The following NUGGC variants were observed in gnomAD, a reference collection of about 807,000 sequenced individuals.
The protein encoded by NUGGC is nuclear GTPase, germinal center associated.
Under a neutral mutation model 92.6 loss-of-function variants are expected in NUGGC, and 58 were observed. That is an observed-to-expected ratio of 0.63 (90% confidence interval 0.51 to 0.78). NUGGC has a LOEUF of 0.78. NUGGC is among the 30% of genes least tolerant of loss of function. The pLI is 0.00. For synonymous variants in NUGGC, 376 were observed against 366.4 expected (o/e 1.03, Z -0.30); for missense variants, 925 against 964.6 (o/e 0.96, Z 0.54).
chr8:28,082,228 G>A (rs2130302775), intron 1 of NUGGC, among the ~76,000 whole-genome samples: 1 of 152,308 alleles, frequency 6.6e-6, no homozygotes, highest in East Asian at 1.9e-4. Context: ...AATGTGTTCA[G>A]AATTAGAAAT....
chr8:28,065,079 G>A (rs1394607830), intron 6 of NUGGC, among the ~76,000 whole-genome samples: 1 of 150,050 alleles, frequency 6.7e-6, no homozygotes. Flanking sequence ...CAGAAAGCTA[G>A]CAATGACTAT....
intron 7 of NUGGC, among the ~76,000 whole-genome samples, chr8:28,063,547 A>G (rs1810360884): frequency 6.6e-6 from 1 of 152,154 alleles, no homozygotes; most frequent in Non-Finnish European, 1.5e-5. Flanking sequence ...CAGGAGGTGG[A>G]TAATATAGAG....
At chr8:28,082,606 A>G (rs569331618) in intron 1 of NUGGC, among the ~76,000 whole-genome samples, 1 of 152,304 alleles carries the variant, frequency 6.6e-6, no homozygotes, top group Non-Finnish European at 1.5e-5. Context: ...CATAGCCTTA[A>G]AATTCACTTA....
chr8:28,047,643 A>C (rs1743389836), intron 10 of NUGGC, 31 bp from the exon 11 acceptor site: 1 of 1,378,810 alleles, frequency 7.3e-7, no homozygotes, highest in Non-Finnish European at 1.0e-6. Context: ...AGAAAACAGA[A>C]TAACTCAAAC....
In NUGGC at chr8:28,058,225, A is replaced by C. The variant is rs1375634604; in HGVS notation, c.1116+33T>G. Reference sequence around the variant, plus strand: ...AAAAAATAAATAGATAATAATTTAAAAATAAAAATAAAAAAAACTAGTTCA... The same window carrying C: ...AAAAAATAAATAGATAATAATTTAACAATAAAAATAAAAAAAACTAGTTCA... On this transcript the variant is annotated intron_variant, in intron 9 of 18. Coordinates refer to ENST00000413272, the MANE Select transcript of NUGGC (RefSeq NM_001010906.2). The C allele has an allele frequency of 1.0e-5, 4 of 400,656 alleles. No individual in the cohort carries two copies. The East Asian group carries it at 2.2e-4, about 22-fold the overall frequency. 24.8% of individuals were successfully genotyped at this position (400,656 alleles called of 1,614,324 possible).
intron 1 of NUGGC, among the ~76,000 whole-genome samples, chr8:28,077,382 C>A (rs1810747871): frequency 1.4e-5 from 2 of 142,714 alleles, no homozygotes; most frequent in African/African-American, 2.6e-5. Flanking sequence ...TCAAGTGAGA[C>A]CTTGACACTA....
chr8:28,061,311 G>A (rs1257542373), intron 7 of NUGGC, among the ~76,000 whole-genome samples: 1 of 152,176 alleles, frequency 6.6e-6, no homozygotes, highest in Non-Finnish European at 1.5e-5. Context: ...CAACATAATG[G>A]CATGAATGTT....
At chr8:28,066,568 C>T (rs1354415757) in intron 6 of NUGGC, among the ~76,000 whole-genome samples, 1 of 151,954 alleles carries the variant, frequency 6.6e-6, no homozygotes. Flanking sequence ...CCAATAATCA[C>T]TAGATTTATA....
chr8:28,023,359 C>A lies in NUGGC; in HGVS notation c.2349G>T (p.Arg783Ser), dbSNP rs1389920626. ...LRKGMQEFLL[R>S]ASPSKAGPPG... Reference sequence around the variant, plus strand: ...GGGGGCCAGCCTTGCTGGGGGATGCCCTTAGGAGGAATTCTTGCATGCCCT... The same window carrying A: ...GGGGGCCAGCCTTGCTGGGGGATGCACTTAGGAGGAATTCTTGCATGCCCT... The change falls in exon 19 of 19, where the codon AGG becomes AGT. Residue 783 changes from arginine (R) to serine (S), a missense_variant. Coordinates refer to ENST00000413272, the MANE Select transcript of NUGGC (RefSeq NM_001010906.2). 1 of 1,613,930 alleles carries A rather than the reference C, an allele frequency of 6.2e-7. No individual in the cohort carries two copies. Among genetic ancestry groups the A allele is most frequent in the South Asian group, 1.1e-5 (1 of 91,070 alleles).
At chr8:28,058,350 CA>C in intron 8 of NUGGC, 74 bp from the exon 9 acceptor site, 1 of 302,314 alleles carries the variant, frequency 3.3e-6, no homozygotes, top group Non-Finnish European at 6.3e-6. Flanking sequence ...CGACTTTCCC[CA>C]AAAGCAGCAC....
chr8:28,059,421 C>G (rs1433840564), intron 8 of NUGGC, among the ~76,000 whole-genome samples: 1 of 152,124 alleles, frequency 6.6e-6, no homozygotes, highest in Non-Finnish European at 1.5e-5. Context: ...CTATTAAGCC[C>G]AAAAATGCAT....
intron 14 of NUGGC, 100 bp from the exon 15 acceptor site, chr8:28,031,481 A>C (rs1221153981): frequency 1.7e-6 from 2 of 1,155,422 alleles, no homozygotes; most frequent in Non-Finnish European, 2.5e-6. Context: ...ATTTAAGAGA[A>C]GGAAGATGAA....
Position 28,074,354 on chromosome 8 carries a change from T to G in NUGGC, c.43+14A>C, listed in dbSNP as rs376323094. On this transcript the variant is annotated intron_variant, in intron 2 of 18. Coordinates refer to ENST00000413272, the MANE Select transcript of NUGGC (RefSeq NM_001010906.2). Reference sequence around the variant, plus strand: ...TCCTATATCCTCCATCAGAAGATACTGCAAAGATGTTACCTGGATGCGGTT... The same window carrying G: ...TCCTATATCCTCCATCAGAAGATACGGCAAAGATGTTACCTGGATGCGGTT... 6.3e-7 allele frequency: 1 copy of G among 1,595,714 alleles called. No individual in the cohort carries two copies. The highest frequency in any genetic ancestry group is 8.6e-7 in the Non-Finnish European group (1 of 1,163,488).
Position 28,067,587 on chromosome 8 carries a change from T to C in NUGGC, c.638A>G (p.Tyr213Cys). Residue 213 changes from tyrosine to cysteine, a missense_variant, in exon 6 of 19, where the codon TAT (tyrosine) becomes TGT (cysteine). Tyr to Cys is a radical substitution (Grantham distance 194). Coordinates refer to ENST00000413272, the MANE Select transcript of NUGGC (RefSeq NM_001010906.2). The part of the protein sequence containing the change: ...IYGNGAESKN[Y>C]EELLRAKPKR... Reference sequence around the variant, plus strand: ...GGGCTTCGCCCTCAGTAACTCCTCATAGTTCTTACTCTCTGCCCCATTTCC... The same window carrying C: ...GGGCTTCGCCCTCAGTAACTCCTCACAGTTCTTACTCTCTGCCCCATTTCC... 1 of 1,613,748 alleles carries C rather than the reference T, an allele frequency of 6.2e-7. No individual in the cohort carries two copies. The highest frequency in any genetic ancestry group is 8.5e-7 in the Non-Finnish European group (1 of 1,179,754).
At chr8:28,059,541 G>A (rs1002200468) in intron 8 of NUGGC, among the ~76,000 whole-genome samples, 1 of 152,180 alleles carries the variant, frequency 6.6e-6, no homozygotes, top group African/African-American at 2.4e-5. Flanking sequence ...AAGTTCAGGA[G>A]TCTCTGGCTG....
At chr8:28,083,584 G>A (rs1032514779) in intron 1 of NUGGC, among the ~76,000 whole-genome samples, 191 bp downstream of exon 1, 8 of 152,056 alleles carry the variant, frequency 5.3e-5, no homozygotes, top group South Asian at 4.1e-4. Flanking sequence ...TATCAGTATC[G>A]GTTCATCAGT....
intron 14 of NUGGC, among the ~76,000 whole-genome samples, chr8:28,032,714 C>T (rs1809452952): frequency 7.0e-6 from 1 of 143,110 alleles, no homozygotes; most frequent in South Asian, 2.3e-4. Context: ...GAGCGAGACT[C>T]CATCTCAAGA....
At chr8:28,061,241 C>T (rs1395028545) in intron 7 of NUGGC, among the ~76,000 whole-genome samples, 5 of 152,178 alleles carry the variant, frequency 3.3e-5, no homozygotes, top group Non-Finnish European at 7.3e-5. Flanking sequence ...TCAATGCCAC[C>T]AGATGGCAGC....
chr8:28,032,111 G>A (rs1336759652), intron 14 of NUGGC, among the ~76,000 whole-genome samples: 1 of 152,236 alleles, frequency 6.6e-6, no homozygotes, highest in African/African-American at 2.4e-5. Flanking sequence ...CAACCAGGCA[G>A]CGGTGCAGGC....
Sources: allele counts gnomAD v4.1 joint callset (sites outside exome capture counted in the v4.1 genomes callset), GRCh38; gene constraint gnomAD v4.1.1; transcripts MANE v1.5; gene names NCBI Gene and HGNC (gene_info 2026-07-23, HGNC 2026-07-21).